SLC18A2: variants seen among roughly 807,000 people sequenced by gnomAD.
SLC18A2 encodes solute carrier family 18 member A2.
Under a neutral mutation model 59.2 loss-of-function variants are expected in SLC18A2, and 33 were observed. The observed-to-expected ratio is 0.56, with a 90% CI of 0.42 to 0.75. The LOEUF (loss-of-function observed/expected upper bound fraction) is 0.75, where lower values mean the gene tolerates loss of function less well. SLC18A2 is among the 30% of genes least tolerant of loss of function. The pLI is 0.00. For missense variants in SLC18A2, 569 were observed against 668.6 expected (o/e 0.85, Z 1.64); for synonymous variants, 228 against 253.5 (o/e 0.90, Z 0.95).
chr10:117,250,021 C>A (rs1373138291), intron 3 of SLC18A2, among the ~76,000 whole-genome samples: 3 of 152,144 alleles, frequency 2.0e-5, no homozygotes, highest in Admixed American at 6.6e-5. Context: ...GAGTTTCTGT[C>A]TGTTTAGGAG....
In SLC18A2 at chr10:117,269,015, GAC is replaced by G. The variant is rs1844387443; in HGVS notation, c.1187-1051_1187-1050del. On this transcript the variant is annotated intron_variant, in intron 13 of 15. Transcript: ENST00000644641. The surrounding 1 kb of genome is among the most constrained non-coding windows in gnomAD (Gnocchi z 5.1). ...ACACACAAACACACATACACACACT[GAC>G]ACACGCATACACACACACATACACA... Among the ~76,000 whole-genome samples, 2 of 148,364 alleles carry G rather than the reference GAC, an allele frequency of 1.3e-5. No individual in the cohort carries two copies. The highest frequency in any genetic ancestry group is 6.7e-5 in the Admixed American group (1 of 14,978).
intron 2 of SLC18A2, 65 bp from the exon 3 acceptor site, chr10:117,243,906 C>T: frequency 4.4e-6 from 6 of 1,356,914 alleles, no homozygotes; most frequent in South Asian, 4.2e-5. Flanking sequence ...TAGTTTTTTG[C>T]TGGCTTTTTT....
intron 10 of SLC18A2, among the ~76,000 whole-genome samples, 193 bp from the exon 11 acceptor site, chr10:117,266,540 C>A (rs1187787562): frequency 6.6e-6 from 1 of 152,234 alleles, no homozygotes; most frequent in Non-Finnish European, 1.5e-5. Context: ...AGTGTCTCAG[C>A]AGCTTTGTGT....
chr10:117,270,111 C>T lies in SLC18A2; in HGVS notation c.1227C>T (p.Leu409=), dbSNP rs745949267. 8.7e-6 allele frequency: 14 copies of T among 1,614,076 alleles called. No individual in the cohort carries two copies. In the East Asian group the frequency reaches 1.6e-4, roughly 18 times the overall value. The change falls in exon 14 of 16, where the codon CTC becomes CTT. Residue 409 remains leucine, a synonymous_variant. Transcript: ENST00000644641. ...CAATGATGCCTATCATGGGCTACCT[C>T]GTAGACCTGCGGCACGTGTCCGTCT... ...DSSMMPIMGY[L]VDLRHVSVYG...
At chr10:117,263,290 C>T (rs190720622) in intron 10 of SLC18A2, among the ~76,000 whole-genome samples, 7 of 152,260 alleles carry the variant, frequency 4.6e-5, no homozygotes, top group East Asian at 3.9e-4. Flanking sequence ...GTGCTGAGGG[C>T]GGGGAGCTGC....
At chr10:117,268,772 AGTCCGAG>A (rs749271892) in intron 13 of SLC18A2, 3 of 152,178 alleles carry the variant, frequency 2.0e-5, no homozygotes, top group Non-Finnish European at 4.4e-5. Flanking sequence ...AACTCCAAGG[AGTCCGAG>A]AGATCATCTG....
chr10:117,265,291 G>A (rs944700571), intron 10 of SLC18A2, among the ~76,000 whole-genome samples: 3 of 152,140 alleles, frequency 2.0e-5, no homozygotes, highest in Non-Finnish European at 2.9e-5. Context: ...GATGGTAGAC[G>A]TTCGTGCTTT....
intron 2 of SLC18A2, among the ~76,000 whole-genome samples, chr10:117,242,115 A>C (rs1844063347): frequency 1.3e-5 from 2 of 152,200 alleles, no homozygotes; most frequent in African/African-American, 4.8e-5. Context: ...GATGAAAAAG[A>C]TTTCTGTTCC....
At chr10:117,276,744 C>T (rs906660475) in intron 15 of SLC18A2, among the ~76,000 whole-genome samples, 1 of 151,898 alleles carries the variant, frequency 6.6e-6, no homozygotes, top group East Asian at 1.9e-4. Flanking sequence ...GGGCTTCTCT[C>T]ATTAAGGAGA....
Position 117,278,001 on chromosome 10 carries a change from A to G in SLC18A2, c.*735A>G, listed in dbSNP as rs1844523486. 6.6e-6 allele frequency: 1 copy of G among 152,236 alleles called. No homozygotes were observed. Among genetic ancestry groups the G allele is most frequent in the African/African-American group, 2.4e-5 (1 of 41,470 alleles). 9.4% of individuals were successfully genotyped at this position (152,236 alleles called of 1,614,324 possible). A position where few individuals can be genotyped will look rare whatever the true frequency, so the allele number is the denominator to read the frequency against. ...AAAGCAGAGAAAAGCAACCAAACAT[A>G]TTGTTATGAACTAAAAGCTTTCCCT... On this transcript the variant is annotated 3_prime_UTR_variant, in exon 16 of 16. Coordinates refer to ENST00000644641, the MANE Select transcript of SLC18A2 (RefSeq NM_003054.6).
chr10:117,243,278 C>G (rs181153291), intron 2 of SLC18A2, among the ~76,000 whole-genome samples: 26 of 152,332 alleles, frequency 1.7e-4, no homozygotes, highest in African/African-American at 6.3e-4. Flanking sequence ...CTGGTTGACT[C>G]CAGGTCAGCA....
intron 10 of SLC18A2, among the ~76,000 whole-genome samples, chr10:117,266,003 T>C (rs1844343628): frequency 6.8e-6 from 1 of 146,460 alleles, no homozygotes; most frequent in Non-Finnish European, 1.5e-5. Flanking sequence ...GGCAAGAGAA[T>C]CACTTGAACC....
At chr10:117,272,713 A>T (rs1844440829) in intron 15 of SLC18A2, among the ~76,000 whole-genome samples, 2 of 152,200 alleles carry the variant, frequency 1.3e-5, no homozygotes, top group African/African-American at 4.8e-5. Flanking sequence ...AAAACTTGAG[A>T]AGGTGTGCAT....
intron 13 of SLC18A2, 45 bp downstream of exon 13, chr10:117,267,781 A>C (rs368714331): frequency 6.9e-7 from 1 of 1,449,254 alleles, no homozygotes; most frequent in Non-Finnish European, 9.6e-7. Flanking sequence ...CCGCTTTTCC[A>C]CTAGGAAGGG....
intron 9 of SLC18A2, among the ~76,000 whole-genome samples, chr10:117,256,027 T>C (rs1205913353): frequency 6.6e-6 from 1 of 152,168 alleles, no homozygotes; most frequent in Non-Finnish European, 1.5e-5. Context: ...GTCCTTGGCC[T>C]CAAGGCAAGG....
rs948144791 is a variant in SLC18A2, at chr10:117,279,087, G to A, written c.*1821G>A. The A allele has an allele frequency of 3.9e-5, 6 of 152,320 alleles. No homozygotes were observed. The highest frequency in any genetic ancestry group is 1.9e-4 in the East Asian group (1 of 5,188). The allele number at this position is 152,320 out of a possible 1,614,324, so 9.4% of individuals were successfully genotyped here. On this transcript the variant is annotated 3_prime_UTR_variant, in exon 16 of 16. Coordinates refer to ENST00000644641, the MANE Select transcript of SLC18A2 (RefSeq NM_003054.6). ...AAGGCCTGGCAAAGGTATGCCTGCT[G>A]TTGGTCCCTCGGGATAAGATAAAAT...
chr10:117,264,961 G>A (rs973855036), intron 10 of SLC18A2, among the ~76,000 whole-genome samples: 3 of 152,120 alleles, frequency 2.0e-5, no homozygotes, highest in African/African-American at 7.2e-5. Flanking sequence ...CAGTTTAAAC[G>A]TCATCTGCTC....
intron 10 of SLC18A2, 21 bp from the exon 11 acceptor site, chr10:117,266,701 ACTGATAAGGTC>A (rs1565007892): frequency 6.8e-7 from 1 of 1,472,434 alleles, no homozygotes; most frequent in South Asian, 1.1e-5. Flanking sequence ...TGATATCAGC[ACTGATAAGGTC>A]TCCTTTTCAT....
chr10:117,276,640 A>G (rs946697413), intron 15 of SLC18A2, among the ~76,000 whole-genome samples: 60 of 147,138 alleles, frequency 4.1e-4, no homozygotes, highest in African/African-American at 1.4e-3. Context: ...AAAAGAAAGA[A>G]AGAAAGAAAG....
Sources: allele counts gnomAD v4.1 joint callset (sites outside exome capture counted in the v4.1 genomes callset), GRCh38; gene constraint gnomAD v4.1.1; non-coding constraint Gnocchi (gnomAD v3.1); transcripts MANE v1.5; gene names NCBI Gene and HGNC (gene_info 2026-07-23, HGNC 2026-07-21).